POLA1: variants seen among roughly 807,000 people sequenced by gnomAD.
POLA1 encodes DNA polymerase alpha catalytic subunit.
In POLA1, 15 loss-of-function variants were observed where a neutral mutation model predicts 124.0. That is an observed-to-expected ratio of 0.12 (90% CI 0.08 to 0.19). The LOEUF (loss-of-function observed/expected upper bound fraction) is 0.19, where lower values mean the gene tolerates loss of function less well. Among genes scored for constraint, POLA1 ranks in the 10% least tolerant of loss-of-function variants. The pLI is 1.00. For missense variants in POLA1, 886 were observed against 1,103.4 expected, an observed-to-expected ratio of 0.80 and a Z score of 2.79; for synonymous variants, 408 against 389.4, an observed-to-expected ratio of 1.05 and a Z score of -0.56.
chrX:24,760,827 A>AT (rs1932782986), intron 26 of POLA1, among the ~76,000 whole-genome samples: 1 of 111,458 alleles, frequency 9.0e-6, no homozygotes. Flanking sequence ...AAGCCGTTTG[A>AT]TTTTCAGCCA....
chrX:24,836,335 C>G lies in POLA1; in HGVS notation c.3737-5317C>G, dbSNP rs1051562591. ...TAGTGCTGCTTTGAGAGTTGTTGTA[C>G]AGGTCCTCTGTCAAACGTAAGCATG... is the stretch of plus-strand genomic sequence containing the variant. On this transcript the variant is annotated intron_variant, in intron 32 of 36. Transcript: ENST00000379068. Among the ~76,000 whole-genome samples the G allele has an allele frequency of 3.6e-5, 4 of 111,924 alleles. No individual in the cohort carries two copies. The Admixed American group carries it at 3.8e-4, about 11-fold the overall frequency.
At chrX:24,991,885 G>C (rs1191923302) in intron 36 of POLA1, among the ~76,000 whole-genome samples, 1 of 112,454 alleles carries the variant, frequency 8.9e-6, no homozygotes, top group African/African-American at 3.2e-5. Context: ...TGATTTAATG[G>C]GTGAGAATGG....
chrX:24,699,415 C>CT lies in POLA1; in HGVS notation c.44-4dup. On this transcript the variant is annotated splice_polypyrimidine_tract_variant and intron_variant, in intron 1 of 36. Coordinates refer to ENST00000379068, the MANE Select transcript of POLA1 (RefSeq NM_001330360.2). Reference sequence around the variant, plus strand: ...GTAACATCTGTTGTAAATTTTTTTTCTTTTTTCAGCTCTGTCAGATTCAGG... The same window carrying CT: ...GTAACATCTGTTGTAAATTTTTTTTCTTTTTTTCAGCTCTGTCAGATTCAGG... 2 of 1,128,058 alleles carry CT rather than the reference C, an allele frequency of 1.8e-6. No individual in the cohort carries two copies. Among genetic ancestry groups the CT allele is most frequent in the Non-Finnish European group, 2.3e-6 (2 of 851,544 alleles). The allele number at this position is 1,128,058 out of a possible 1,213,427, so 93.0% of individuals were successfully genotyped here. A position where few individuals can be genotyped will look rare whatever the true frequency, so the allele number is the denominator to read the frequency against.
chrX:24,996,839 C>T lies in POLA1; in HGVS notation c.*889C>T, dbSNP rs112928837. ...GTATTTCAGTATGGCAGTCTTTCCT[C>T]TCTTACATTATTGGTAAGATTATAC... On this transcript the variant is annotated 3_prime_UTR_variant, in exon 37 of 37. Transcript: ENST00000379068. The T allele has an allele frequency of 4.5e-5, 5 of 112,051 alleles. No individual in the cohort carries two copies. The highest frequency in any genetic ancestry group is 1.3e-4 in the African/African-American group (4 of 30,792). The allele number at this position is 112,051 out of a possible 1,213,427, so 9.2% of individuals were successfully genotyped here.
intron 34 of POLA1, among the ~76,000 whole-genome samples, chrX:24,864,702 T>TCGTGGACATCACAGCTATGG (rs1351542604): frequency 2.7e-5 from 3 of 110,670 alleles, no homozygotes; most frequent in Non-Finnish European, 3.8e-5. Flanking sequence ...AGGAAGCCTT[T>TCGTGGACATCACAGCTATGG]CGTGGACATC....
chrX:24,754,233 CT>C (rs1372255085), intron 26 of POLA1, among the ~76,000 whole-genome samples: 3 of 107,980 alleles, frequency 2.8e-5, no homozygotes, highest in Non-Finnish European at 5.8e-5. Flanking sequence ...CTTTTGCAAT[CT>C]TTTTCTTTCT....
rs1263583167 is a variant in POLA1, at chrX:24,741,517, TAGAA to T, written c.2346+16_2346+19del. On this transcript the variant is annotated intron_variant, in intron 21 of 36. Coordinates refer to ENST00000379068, the MANE Select transcript of POLA1 (RefSeq NM_001330360.2). The stretch of plus-strand genomic sequence containing the variant: ...TGGGAACATTATGGTAAATTTAACT[TAGAA>T]AGGGGGAAAAAGCATTTCCTGTTGG... 10 of 1,190,927 alleles carry T rather than the reference TAGAA, an allele frequency of 8.4e-6. No individual in the cohort carries two copies. The highest frequency in any genetic ancestry group is 2.2e-5 in the Admixed American group (1 of 45,508).
chrX:24,790,940 T>TATATATAA (rs1491408752), intron 26 of POLA1, among the ~76,000 whole-genome samples: 12 of 98,378 alleles, frequency 1.2e-4, no homozygotes, highest in African/African-American at 4.4e-4. Context: ...TATATATATA[T>TATATATAA]AAAACATTTA....
chrX:24,855,361 A>G lies in POLA1; in HGVS notation c.4047+11684A>G, dbSNP rs1191983455. On this transcript the variant is annotated intron_variant, in intron 34 of 36. Coordinates refer to ENST00000379068, the MANE Select transcript of POLA1 (RefSeq NM_001330360.2). ...TGTTGACAAATGCATAGAATCATAT[A>G]TCTACTACCACAGTCAAGATACAGA... Among the ~76,000 whole-genome samples the G allele has an allele frequency of 8.9e-5, 10 of 111,793 alleles. No individual in the cohort carries two copies. In the Admixed American group the frequency reaches 9.5e-4, roughly 11 times the overall value.
chrX:24,821,294 G>T (rs1020401780), intron 30 of POLA1, among the ~76,000 whole-genome samples, 158 bp from the exon 31 acceptor site: 6 of 112,010 alleles, frequency 5.4e-5, no homozygotes, highest in African/African-American at 1.9e-4. Flanking sequence ...TTGAAGATGG[G>T]ATGTTTAAAG....
At chrX:24,954,107 G>A (rs958021965) in intron 36 of POLA1, among the ~76,000 whole-genome samples, 2 of 112,287 alleles carry the variant, frequency 1.8e-5, no homozygotes, top group African/African-American at 6.5e-5. Flanking sequence ...GTTCCAGGAA[G>A]TGCACTGTAA....
At chrX:24,700,583 A>T (rs1489261387) in intron 2 of POLA1, among the ~76,000 whole-genome samples, 1 of 111,958 alleles carries the variant, frequency 8.9e-6, no homozygotes, top group African/African-American at 3.2e-5. Context: ...ATCTTGGTTC[A>T]CTGCAGCTTC....
At chrX:24,817,062 T>G (rs986296789) in intron 30 of POLA1, among the ~76,000 whole-genome samples, 1 of 111,728 alleles carries the variant, frequency 9.0e-6, no homozygotes, top group Admixed American at 9.5e-5. Context: ...TCTAGTATGA[T>G]AGGGGCTGTG....
chrX:24,891,789 A>T (rs1340311622), intron 35 of POLA1, among the ~76,000 whole-genome samples: 4 of 112,044 alleles, frequency 3.6e-5, no homozygotes, highest in African/African-American at 1.3e-4. Flanking sequence ...CATTACACAG[A>T]TTATATAAAA....
At position 24,930,572 on chromosome X, in the gene POLA1, C is replaced by A. The variant is rs185104447; in HGVS notation, c.4261+23C>A. The A allele has an allele frequency of 6.2e-5, 60 of 971,936 alleles. 1 individual carries two copies. The highest frequency in any genetic ancestry group is 5.2e-4 in the Middle Eastern group (2 of 3,859). The allele number at this position is 971,936 out of a possible 1,213,427, so 80.1% of individuals were successfully genotyped here. A position where few individuals can be genotyped will look rare whatever the true frequency, so the allele number is the denominator to read the frequency against. On this transcript the variant is annotated intron_variant, in intron 36 of 36. Transcript: ENST00000379068. Reference sequence around the variant, plus strand: ...AAGGTACGTTAAAATACTGTAATTACCTTTGAGTTTAAAGTGGAAATTTGC... The same window carrying A: ...AAGGTACGTTAAAATACTGTAATTAACTTTGAGTTTAAAGTGGAAATTTGC...
At chrX:24,920,251 A>G (rs1318785514) in intron 35 of POLA1, among the ~76,000 whole-genome samples, 2 of 111,730 alleles carry the variant, frequency 1.8e-5, no homozygotes, top group African/African-American at 6.5e-5. Context: ...AAGTTGACAC[A>G]TTAGACGTTG....
chrX:24,951,668 G>A (rs905283137), intron 36 of POLA1, among the ~76,000 whole-genome samples: 1 of 111,064 alleles, frequency 9.0e-6, no homozygotes, highest in Non-Finnish European at 1.9e-5. Context: ...CCCTATAAGG[G>A]TCTTCTTGAA....
chrX:24,910,585 A>T (rs1326415769), intron 35 of POLA1, among the ~76,000 whole-genome samples: 1 of 111,904 alleles, frequency 8.9e-6, no homozygotes, highest in Non-Finnish European at 1.9e-5. Context: ...CACTAATCAA[A>T]AGGAAGTTAG....
At chrX:24,814,613 T>A (rs757770568) in intron 29 of POLA1, among the ~76,000 whole-genome samples, 3 of 112,360 alleles carry the variant, frequency 2.7e-5, no homozygotes, top group African/African-American at 9.7e-5. Flanking sequence ...GAAATATTTG[T>A]CTTCTAAAAT....
Sources: gnomAD v4.1 joint callset for allele counts (sites outside exome capture counted in the v4.1 genomes callset) on GRCh38, gnomAD v4.1.1 for gene constraint, MANE v1.5 for transcripts, NCBI Gene and HGNC (gene_info 2026-07-23, HGNC 2026-07-21) for gene names.